The following FASTKD2 variants were observed in gnomAD, a reference collection of about 807,000 sequenced individuals.
FASTKD2 encodes FAST kinase domains 2.
In FASTKD2, 51 loss-of-function variants were observed where a neutral mutation model predicts 63.6. That is an observed-to-expected ratio of 0.80 (90% CI 0.64 to 1.01). The LOEUF (loss-of-function observed/expected upper bound fraction) is 1.01. Ranked by LOEUF, FASTKD2 falls within the 50% of genes least tolerant of loss-of-function variation. FASTKD2 has a pLI of 0.00. For missense variants in FASTKD2, 786 were observed against 831.1 expected, an observed-to-expected ratio of 0.95 and a Z score of 0.67; for synonymous variants, 284 against 293.4, an observed-to-expected ratio of 0.97 and a Z score of 0.33.
chr2:206,774,209 A>T lies in FASTKD2; in HGVS notation c.1255-16A>T. 1 of 1,585,090 alleles carries T rather than the reference A, an allele frequency of 6.3e-7. No individual in the cohort carries two copies. Reference sequence around the variant, plus strand: ...GTAATTATTATAGAGTTTTCCCTCAATTTTCTCTTTTTAAGGTTCTTTTTA... The same window carrying T: ...GTAATTATTATAGAGTTTTCCCTCATTTTTCTCTTTTTAAGGTTCTTTTTA... On this transcript the variant is annotated splice_polypyrimidine_tract_variant and intron_variant, in intron 6 of 11. Transcript: ENST00000402774.
rs1007355887 is a variant in FASTKD2, at chr2:206,768,160, C to A, written c.777+690C>A. 3.9e-5 allele frequency among the ~76,000 whole-genome samples: 6 copies of A among 152,228 alleles called. No individual in the cohort carries two copies. The South Asian group carries it at 1.2e-3, about 32-fold the overall frequency. On this transcript the variant is annotated intron_variant, in intron 2 of 11. Coordinates refer to ENST00000402774, the MANE Select transcript of FASTKD2 (RefSeq NM_001136193.2). ...ATTTATCCTGTAGGCAATGGGAATC[C>A]GTTGAAGAATTTTAAGCAATGGGTT...
In FASTKD2 at chr2:206,791,396, T is replaced by C. The variant is rs538361006; in HGVS notation, c.2014-287T>C. The stretch of plus-strand genomic sequence containing the variant: ...CTTAGTGGGCTACTATTTAAGACTT[T>C]GTTTTTTATATTGCTGATTATATAT... On this transcript the variant is annotated intron_variant, in intron 11 of 11. Transcript: ENST00000402774. The C allele has an allele frequency of 1.2e-3, 438 of 371,316 alleles. 1 individual carries two copies. The highest frequency in any genetic ancestry group is 1.8e-3 in the Non-Finnish European group (370 of 202,938). 23.0% of individuals were successfully genotyped at this position (371,316 alleles called of 1,614,324 possible).
At chr2:206,778,979 A>G (rs1315320112) in intron 7 of FASTKD2, among the ~76,000 whole-genome samples, 2 of 152,128 alleles carry the variant, frequency 1.3e-5, no homozygotes, top group Non-Finnish European at 2.9e-5. Context: ...AGTGTTCTTC[A>G]AGTCCTTTGT....
At chr2:206,769,030 A>G (rs930054697) in intron 2 of FASTKD2, among the ~76,000 whole-genome samples, 10 of 152,230 alleles carry the variant, frequency 6.6e-5, no homozygotes, top group Non-Finnish European at 1.0e-4. Context: ...TCGGGATGAC[A>G]TCTGTGTTGG....
chr2:206,771,783 G>T lies in FASTKD2; in HGVS notation c.991-111G>T, dbSNP rs1036908790. On this transcript the variant is annotated intron_variant, in intron 4 of 11. Transcript: ENST00000402774. ...GCAGGAGGATCACTTGAGCCTGGGA[G>T]GTTGAGGCTCCAACCTGGGTGACAG... The T allele has an allele frequency of 2.9e-5, 24 of 829,602 alleles. No individual in the cohort carries two copies. The Middle Eastern group carries it at 9.0e-4, about 31-fold the overall frequency. The allele number at this position is 829,602 out of a possible 1,614,324, so 51.4% of individuals were successfully genotyped here. A position where few individuals can be genotyped will look rare whatever the true frequency, so the allele number is the denominator to read the frequency against.
Position 206,767,094 on chromosome 2 carries a change from A to C in FASTKD2, c.401A>C (p.Asn134Thr). 6.2e-7 allele frequency: 1 copy of C among 1,614,128 alleles called. No homozygotes were observed. The highest frequency in any genetic ancestry group is 2.2e-5 in the East Asian group (1 of 44,880). ...DKSDDELKKV[N>T]LNHEVSNEDV... ...TCTGATGATGAATTGAAGAAAGTAA[A>C]CCTTAATCATGAAGTCTCCAATGAA... The change falls in exon 2 of 12, where the codon AAC (asparagine) becomes ACC (threonine). Residue 134 changes from asparagine to threonine, a missense_variant. Transcript: ENST00000402774.
In FASTKD2 at chr2:206,771,983, T is replaced by C. The variant is rs376045225; in HGVS notation, c.1080T>C (p.Leu360=). 2.9e-4 allele frequency: 462 copies of C among 1,613,678 alleles called. 1 individual carries two copies. Among genetic ancestry groups the C allele is most frequent in the South Asian group, 1.6e-3 (146 of 91,068 alleles). ...TAGCTGCCATGAATCACCGATCTCT[T>C]ATACTCCTGGATGAATGCAGTAAGG... is the stretch of plus-strand genomic sequence containing the variant. The part of the protein sequence containing the change: ...EVLAAMNHRS[L]ILLDECSKVV... Residue 360 remains leucine (L), a synonymous_variant, in exon 5 of 12, where the codon CTT becomes CTC. Transcript: ENST00000402774.
chr2:206,790,503 AAC>A (rs1261420907), intron 10 of FASTKD2, 67 bp from the exon 11 acceptor site: 2 of 946,714 alleles, frequency 2.1e-6, no homozygotes, highest in East Asian at 4.8e-5. Flanking sequence ...ATCTCCAGAG[AAC>A]AAGAATGCAG....
intron 6 of FASTKD2, 99 bp from the exon 7 acceptor site, chr2:206,774,126 G>A: frequency 1.3e-6 from 1 of 753,018 alleles, no homozygotes; most frequent in Non-Finnish European, 2.3e-6. Flanking sequence ...CTGTTGATCA[G>A]GACAGTTGAA....
In FASTKD2 at chr2:206,772,255, T is replaced by C. The variant is rs1396326143; in HGVS notation, c.1189T>C (p.Leu397=). 35 of 1,613,784 alleles carry C rather than the reference T, an allele frequency of 2.2e-5. No homozygotes were observed. The highest frequency in any genetic ancestry group is 3.0e-5 in the Non-Finnish European group (35 of 1,179,786). ...CTGCAAAGACCTCCAGTACCATAAT[T>C]TGGATCTCTTCAAGGGACTTGCAGA... is the stretch of plus-strand genomic sequence containing the variant. ...QSCKDLQYHN[L]DLFKGLADYV... is the part of the protein sequence containing the mutation. Residue 397 remains leucine (L), a synonymous_variant, in exon 6 of 12, where the codon TTG becomes CTG. Coordinates refer to ENST00000402774, the MANE Select transcript of FASTKD2 (RefSeq NM_001136193.2).
intron 8 of FASTKD2, among the ~76,000 whole-genome samples, 169 bp from the exon 9 acceptor site, chr2:206,787,768 C>T (rs978639477): frequency 4.6e-5 from 7 of 151,978 alleles, no homozygotes; most frequent in African/African-American, 1.7e-4. Context: ...CTGTGGAAAC[C>T]AGGGAGACAA....
intron 7 of FASTKD2, among the ~76,000 whole-genome samples, chr2:206,780,144 A>G (rs1180765852): frequency 6.6e-6 from 1 of 152,204 alleles, no homozygotes; most frequent in Non-Finnish European, 1.5e-5. Flanking sequence ...CTAGAACTAA[A>G]GCACACCACT....
In FASTKD2 at chr2:206,793,220, CAAAAAAAAAA is replaced by C. The variant is rs58656956; in HGVS notation, c.*1440_*1449del. On this transcript the variant is annotated 3_prime_UTR_variant, in exon 12 of 12. Coordinates refer to ENST00000402774, the MANE Select transcript of FASTKD2 (RefSeq NM_001136193.2). ...CTGACCACAGAGCGAGACTCTGTCT[CAAAAAAAAAA>C]AAAAAAAAAAAAAAAAAAAAATACA... 0.05 allele frequency among the ~76,000 whole-genome samples: 3,275 copies of C among 65,658 alleles called. 50 individuals carry two copies. Among genetic ancestry groups the C allele is most frequent in the African/African-American group, 0.11 (1,740 of 16,156 alleles). The allele number at this position is 65,658 out of a possible 152,430, so 43.1% of individuals were successfully genotyped here.
At chr2:206,774,430 G>T in intron 7 of FASTKD2, 33 bp downstream of exon 7, 1 of 1,362,934 alleles carries the variant, frequency 7.3e-7, no homozygotes. Context: ...CTTTTTTATT[G>T]CCATATAACT....
rs1465137014 is a variant in FASTKD2 at position 206,794,680 on chromosome 2, A to G, written c.*2878A>G. On this transcript the variant is annotated 3_prime_UTR_variant, in exon 12 of 12. Transcript: ENST00000402774. ...TTCAAAAATTGAAAATTTCATATAT[A>G]CATAGCCTAACAACTCTTCTTGTCA... 6.6e-6 allele frequency among the ~76,000 whole-genome samples: 1 copy of G among 152,228 alleles called. No individual in the cohort carries two copies. The highest frequency in any genetic ancestry group is 1.9e-4 in the East Asian group (1 of 5,200).
intron 4 of FASTKD2, among the ~76,000 whole-genome samples, chr2:206,771,646 G>A (rs183045682): frequency 2.0e-5 from 2 of 100,260 alleles, no homozygotes; most frequent in Admixed American, 1.5e-4. Context: ...GCAAGACCCT[G>A]TCTCTGCAAA....
Position 206,794,038 on chromosome 2 carries a change from T to A in FASTKD2, c.*2236T>A, listed in dbSNP as rs1453900283. Among the ~76,000 whole-genome samples the A allele has an allele frequency of 6.6e-6, 1 of 152,202 alleles. No individual in the cohort carries two copies. Among genetic ancestry groups the A allele is most frequent in the Non-Finnish European group, 1.5e-5 (1 of 68,042 alleles). On this transcript the variant is annotated 3_prime_UTR_variant, in exon 12 of 12. Transcript: ENST00000402774. ...TGTGGGGTTTTCTTCTCCCATAATT[T>A]AAAAAATAGCTTTATTATAGTATAA...
chr2:206,773,847 C>T (rs977908982), intron 6 of FASTKD2, among the ~76,000 whole-genome samples: 16 of 152,058 alleles, frequency 1.1e-4, no homozygotes, highest in African/African-American at 3.1e-4. Context: ...TTTGGGAATG[C>T]GAGAAGTTCA....
At position 206,774,417 on chromosome 2, in the gene FASTKD2, T is replaced by A. The variant is rs1430626218; in HGVS notation, c.1427+20T>A. ...CAAAGAGTATGTACTTGTTTTTTTT[T>A]ACCTTTTTTATTGCCATATAACTTA... On this transcript the variant is annotated intron_variant, in intron 7 of 11. Coordinates refer to ENST00000402774, the MANE Select transcript of FASTKD2 (RefSeq NM_001136193.2). The A allele has an allele frequency of 4.6e-6, 7 of 1,516,138 alleles. No homozygotes were observed. The East Asian group carries it at 1.4e-4, about 29-fold the overall frequency. The allele number at this position is 1,516,138 out of a possible 1,614,324, so 93.9% of individuals were successfully genotyped here. A position where few individuals can be genotyped will look rare whatever the true frequency, so the allele number is the denominator to read the frequency against.
Sources: allele counts gnomAD v4.1 joint callset (sites outside exome capture counted in the v4.1 genomes callset), GRCh38; gene constraint gnomAD v4.1.1; transcripts MANE v1.5; gene names NCBI Gene and HGNC (gene_info 2026-07-23, HGNC 2026-07-21).